Variants in TRPC1 observed in about 807,000 individuals in gnomAD.
TRPC1 encodes the protein transient receptor potential cation channel subfamily C member 1.
In TRPC1, 42 loss-of-function variants were observed where a neutral mutation model predicts 88.2. The ratio of observed to expected loss-of-function variants is 0.48; its 90% confidence interval spans 0.37 to 0.62. The LOEUF is 0.62. Among genes scored for constraint, TRPC1 ranks in the 20% least tolerant of loss-of-function variants. TRPC1 has a pLI of 0.00. For missense variants in TRPC1, 699 were observed against 957.3 expected, an observed-to-expected ratio of 0.73 and a Z score of 3.56; for synonymous variants, 288 against 331.8, an observed-to-expected ratio of 0.87 and a Z score of 1.43.
At chr3:142,738,847 C>T (rs557170771) in intron 2 of TRPC1, among the ~76,000 whole-genome samples, 2 of 152,242 alleles carry the variant, frequency 1.3e-5, no homozygotes, top group African/African-American at 4.8e-5. Context: ...TTAATAATTG[C>T]TAACATTTAT....
chr3:142,761,608 C>A (rs1935186524), intron 4 of TRPC1, among the ~76,000 whole-genome samples: 1 of 152,008 alleles, frequency 6.6e-6, no homozygotes, highest in Non-Finnish European at 1.5e-5. Context: ...TGGAAGCATT[C>A]CCTCCTTTTC....
chr3:142,772,412 A>G (rs1935608431), intron 4 of TRPC1, among the ~76,000 whole-genome samples: 1 of 151,912 alleles, frequency 6.6e-6, no homozygotes, highest in South Asian at 2.1e-4. Context: ...AAGTTTGCTA[A>G]TTCTTTCTTC....
chr3:142,802,476 A>C, intron 10 of TRPC1, 132 bp downstream of exon 10: 1 of 596,076 alleles, frequency 1.7e-6, no homozygotes, highest in Non-Finnish European at 2.5e-6. Context: ...ATAAACTTTA[A>C]TAAATACTTA....
At chr3:142,746,597 G>A (rs1485201481) in intron 3 of TRPC1, among the ~76,000 whole-genome samples, 1 of 152,142 alleles carries the variant, frequency 6.6e-6, no homozygotes, top group Non-Finnish European at 1.5e-5. Flanking sequence ...AAACTTACCA[G>A]TGATCAAAGG....
chr3:142,736,187 C>A (rs1173591399), intron 1 of TRPC1, among the ~76,000 whole-genome samples, 192 bp from the exon 2 acceptor site: 1 of 151,252 alleles, frequency 6.6e-6, no homozygotes. Context: ...ATGTCTGCTG[C>A]TGATGTACGT....
At chr3:142,726,876 G>A (rs973915099) in intron 1 of TRPC1, among the ~76,000 whole-genome samples, 4 of 152,108 alleles carry the variant, frequency 2.6e-5, no homozygotes, top group Non-Finnish European at 5.9e-5. Flanking sequence ...TTTTCATAGA[G>A]GATTTCATTT....
At chr3:142,774,810 G>C (rs932551995) in intron 4 of TRPC1, among the ~76,000 whole-genome samples, 1 of 152,012 alleles carries the variant, frequency 6.6e-6, no homozygotes, top group African/African-American at 2.4e-5. Context: ...TATGAAAGAA[G>C]TGGCTTCATT....
chr3:142,780,756 TA>T, intron 5 of TRPC1, 77 bp from the exon 6 acceptor site: 1 of 1,379,454 alleles, frequency 7.2e-7, no homozygotes, highest in Non-Finnish European at 9.7e-7. Flanking sequence ...TGTTGCTGAG[TA>T]AAAACGTTTT....
chr3:142,748,334 G>A lies in TRPC1; in HGVS notation c.506G>A (p.Arg169His). 4 of 1,614,016 alleles carry A rather than the reference G, an allele frequency of 2.5e-6. No homozygotes were observed. Among genetic ancestry groups the A allele is most frequent in the South Asian group, 1.1e-5 (1 of 91,074 alleles). ...DVAPVILAAH[R>H]NNYEILTMLL... Reference sequence around the variant, plus strand: ...GCACCTGTCATTTTAGCTGCTCATCGTAACAACTATGAAATTCTTACAATG... The same window carrying A: ...GCACCTGTCATTTTAGCTGCTCATCATAACAACTATGAAATTCTTACAATG... Residue 169 changes from arginine to histidine, a missense_variant, in exon 4 of 13, where the codon CGT (arginine) becomes CAT (histidine). Physicochemically the swap from Arg to His is conservative, Grantham distance 29. Transcript: ENST00000476941.
chr3:142,749,166 C>T (rs952309554), intron 4 of TRPC1, among the ~76,000 whole-genome samples: 4 of 152,146 alleles, frequency 2.6e-5, no homozygotes, highest in Admixed American at 6.5e-5. Flanking sequence ...AAATTCTTAT[C>T]GCCTACTGAT....
chr3:142,802,918 G>A (rs1936667984), intron 10 of TRPC1, among the ~76,000 whole-genome samples: 3 of 152,092 alleles, frequency 2.0e-5, no homozygotes, highest in African/African-American at 7.2e-5. Flanking sequence ...CTTATTATGT[G>A]TCAACTATTC....
Position 142,806,220 on chromosome 3 carries a change from TTATCCAAGAAA to T in TRPC1, c.2369_2379del (p.Tyr790LeufsTer5). 6.2e-7 allele frequency: 1 copy of T among 1,602,192 alleles called. No homozygotes were observed. The highest frequency in any genetic ancestry group is 8.5e-7 in the Non-Finnish European group (1 of 1,170,848). ...TTCGGACTTCTAAATATGCTATGTT[TTATCCAAGAAA>T]TTAACCATTTTCTAAATCATGGAGC... On this transcript the variant is annotated frameshift_variant, in exon 13 of 13. Transcript: ENST00000476941. LOFTEE classifies it high-confidence loss of function.
intron 4 of TRPC1, among the ~76,000 whole-genome samples, chr3:142,764,208 T>C (rs1935310078): frequency 6.6e-6 from 1 of 151,914 alleles, no homozygotes; most frequent in Non-Finnish European, 1.5e-5. Flanking sequence ...ATATTACCTA[T>C]TTCTTAACAG....
At chr3:142,735,908 C>G (rs1400709858) in intron 1 of TRPC1, among the ~76,000 whole-genome samples, 1 of 151,844 alleles carries the variant, frequency 6.6e-6, no homozygotes, top group Non-Finnish European at 1.5e-5. Context: ...CCTGTAAAAC[C>G]TCTTTATAAT....
At chr3:142,736,300 A>G in intron 1 of TRPC1, 79 bp from the exon 2 acceptor site, 1 of 1,135,392 alleles carries the variant, frequency 8.8e-7, no homozygotes, top group Non-Finnish European at 1.2e-6. Flanking sequence ...TTTTAATTCA[A>G]CAAGCTAAGT....
At chr3:142,748,489 A>T in intron 4 of TRPC1, 29 bp downstream of exon 4, 8 of 1,591,758 alleles carry the variant, frequency 5.0e-6, no homozygotes, top group Non-Finnish European at 6.0e-6. Flanking sequence ...TGATAAATAG[A>T]TGTGTGATAT....
At chr3:142,799,505 C>T (rs993220614) in intron 9 of TRPC1, among the ~76,000 whole-genome samples, 4 of 151,976 alleles carry the variant, frequency 2.6e-5, no homozygotes, top group East Asian at 3.9e-4. Context: ...GAACCAATAC[C>T]ATGCTATTAA....
rs71153991 is a variant in TRPC1 at position 142,805,129 on chromosome 3, T to TACACAC, written c.2154+535_2154+540dup. ...ACAAACAAACAAACAAATATATATA[T>TACACAC]ACACACACACACACACACACACACA... On this transcript the variant is annotated intron_variant, in intron 12 of 12. Coordinates refer to ENST00000476941, the MANE Select transcript of TRPC1 (RefSeq NM_001251845.2). 1.4e-3 allele frequency among the ~76,000 whole-genome samples: 129 copies of TACACAC among 95,306 alleles called. 1 individual carries two copies. Among genetic ancestry groups the TACACAC allele is most frequent in the South Asian group, 2.9e-3 (10 of 3,446 alleles). 62.5% of individuals were successfully genotyped at this position (95,306 alleles called of 152,430 possible).
intron 6 of TRPC1, among the ~76,000 whole-genome samples, chr3:142,782,802 T>C (rs1936005430): frequency 6.6e-6 from 1 of 152,162 alleles, no homozygotes; most frequent in Non-Finnish European, 1.5e-5. Context: ...GAGGATGTGG[T>C]CTGAGAAGCC....
Sources: allele counts gnomAD v4.1 joint callset (sites outside exome capture counted in the v4.1 genomes callset), GRCh38; gene constraint gnomAD v4.1.1; transcripts MANE v1.5; gene names NCBI Gene and HGNC (gene_info 2026-07-23, HGNC 2026-07-21).